Variants in MBNL1 observed in about 807,000 individuals in gnomAD.
The protein encoded by MBNL1 is muscleblind-like protein 1.
A neutral mutation model predicts 42.2 loss-of-function variants in MBNL1; 8 were observed. The ratio of observed to expected loss-of-function variants is 0.19; its 90% CI spans 0.11 to 0.34. MBNL1 has a LOEUF of 0.34. MBNL1 is among the 10% of genes least tolerant of loss of function. The pLI, the probability that MBNL1 is intolerant of heterozygous loss-of-function variation, is 1.00. For missense variants in MBNL1, 309 were observed against 495.3 expected (o/e 0.62, Z 3.57); for synonymous variants, 169 against 173.9 (o/e 0.97, Z 0.22).
intron 2 of MBNL1, among the ~76,000 whole-genome samples, chr3:152,332,268 C>G (rs1320796076): frequency 1.3e-5 from 2 of 152,010 alleles, no homozygotes; most frequent in African/African-American, 2.4e-5. Flanking sequence ...CTTTGTTTTC[C>G]TCACTCATAA....
At chr3:152,410,595 G>A (rs2098543834) in intron 2 of MBNL1, among the ~76,000 whole-genome samples, 1 of 152,172 alleles carries the variant, frequency 6.6e-6, no homozygotes, top group African/African-American at 2.4e-5. Flanking sequence ...GGAGCCTAAG[G>A]GATCTATTAG....
chr3:152,274,852 GT>G (rs2044012916), intron 1 of MBNL1, among the ~76,000 whole-genome samples: 1 of 152,026 alleles, frequency 6.6e-6, no homozygotes, highest in Admixed American at 6.5e-5. Flanking sequence ...GTTACAAACT[GT>G]TGGTACTACA....
upstream of MBNL1, chr3:152,268,803 C>G (rs774853717): frequency 9.0e-6 from 4 of 444,636 alleles, no homozygotes; most frequent in South Asian, 6.3e-5. Flanking sequence ...CTCGCCGCCG[C>G]GTGCATTAGG....
At chr3:152,374,449 T>C (rs1337954104) in intron 2 of MBNL1, among the ~76,000 whole-genome samples, 2 of 152,174 alleles carry the variant, frequency 1.3e-5, no homozygotes, top group Admixed American at 6.5e-5. Flanking sequence ...GCACAGCAAG[T>C]AGTCATTTCC....
chr3:152,356,863 G>GTGTGTGTGTGTT (rs1411290596), intron 2 of MBNL1, among the ~76,000 whole-genome samples: 2 of 151,706 alleles, frequency 1.3e-5, no homozygotes, highest in Non-Finnish European at 2.9e-5. Flanking sequence ...TGTAGTGTGT[G>GTGTGTGTGTGTT]TGTGTGTGTG....
At chr3:152,356,797 G>A in intron 2 of MBNL1, among the ~76,000 whole-genome samples, 1 of 151,680 alleles carries the variant, frequency 6.6e-6, no homozygotes, top group East Asian at 1.9e-4. Context: ...TTTTTAAAAT[G>A]ATAAAAAATA....
intron 2 of MBNL1, among the ~76,000 whole-genome samples, chr3:152,371,820 G>A (rs1251935645): frequency 6.6e-6 from 1 of 152,110 alleles, no homozygotes; most frequent in East Asian, 1.9e-4. Flanking sequence ...GGTGGTCTCT[G>A]TCTTTCCTGA....
At chr3:152,311,996 C>G (rs1200876032) in intron 2 of MBNL1, among the ~76,000 whole-genome samples, 2 of 151,328 alleles carry the variant, frequency 1.3e-5, no homozygotes, top group African/African-American at 4.9e-5. Flanking sequence ...CGAGACCATC[C>G]CGGCTAAAAA....
At chr3:152,275,643 G>C (rs1428044566) in intron 1 of MBNL1, among the ~76,000 whole-genome samples, 1 of 148,788 alleles carries the variant, frequency 6.7e-6, no homozygotes, top group Non-Finnish European at 1.5e-5. Flanking sequence ...GGGAGGCGGA[G>C]GTTGCAGTGA....
chr3:152,361,377 C>G (rs1366714553), intron 2 of MBNL1, among the ~76,000 whole-genome samples: 1 of 150,754 alleles, frequency 6.6e-6, no homozygotes, highest in Admixed American at 6.6e-5. Flanking sequence ...TCCAGTGATG[C>G]TTAGATAGTA....
chr3:152,432,853 C>T lies in MBNL1; in HGVS notation c.482C>T (p.Pro161Leu), dbSNP rs1031137705. 1.3e-5 allele frequency: 21 copies of T among 1,614,100 alleles called. No individual in the cohort carries two copies. The highest frequency in any genetic ancestry group is 1.8e-5 in the Non-Finnish European group (21 of 1,180,016). ...GCACCAATGTTGGTTACAGGGAATC[C>T]GGGTGTCCCTGTACCTGCAGCTGCT... ...PTAPMLVTGN[P>L]GVPVPAAAAA... is the part of the protein sequence containing the mutation. Residue 161 changes from proline (P) to leucine (L), a missense_variant, in exon 4 of 10, where the codon CCG becomes CTG. By Grantham distance (98) the Pro-to-Leu change is moderately conservative. Transcript: ENST00000324210.
chr3:152,356,235 TA>T (rs996760228), intron 2 of MBNL1, among the ~76,000 whole-genome samples: 3,057 of 142,814 alleles, frequency 0.021, 89 homozygotes, highest in African/African-American at 0.071. Context: ...CTTTTTTAAT[TA>T]AAAAAAAAAA....
At chr3:152,367,218 C>T (rs1434420407) in intron 2 of MBNL1, among the ~76,000 whole-genome samples, 1 of 151,408 alleles carries the variant, frequency 6.6e-6, no homozygotes, top group Non-Finnish European at 1.5e-5. Flanking sequence ...TAATGTTCCC[C>T]TCCCTGTGTT....
rs1747788228 is a variant in MBNL1 at position 152,462,385 on chromosome 3, A to C, written c.*19A>C. On this transcript the variant is annotated splice_region_variant and 3_prime_UTR_variant, in exon 10 of 10. Coordinates refer to ENST00000324210, the MANE Select transcript of MBNL1 (RefSeq NM_021038.5). ...AAGCTTATCTCTTTTTCCCTTGTAGATCATGCTAAAGAGGAAAGGACAGTG... is the reference window on the plus strand; with the variant it reads ...AAGCTTATCTCTTTTTCCCTTGTAGCTCATGCTAAAGAGGAAAGGACAGTG... 6.6e-6 allele frequency: 1 copy of C among 152,162 alleles called. No homozygotes were observed. The highest frequency in any genetic ancestry group is 1.5e-5 in the Non-Finnish European group (1 of 68,014). 9.4% of individuals were successfully genotyped at this position (152,162 alleles called of 1,614,324 possible). A position where few individuals can be genotyped will look rare whatever the true frequency, so the allele number is the denominator to read the frequency against.
At chr3:152,434,454 T>C (rs1250869086) in intron 4 of MBNL1, among the ~76,000 whole-genome samples, 1 of 152,230 alleles carries the variant, frequency 6.6e-6, no homozygotes, top group Non-Finnish European at 1.5e-5. Flanking sequence ...CAGGCTACTA[T>C]TGATGGGCAC....
chr3:152,388,552 T>C (rs2097544606), intron 2 of MBNL1, among the ~76,000 whole-genome samples: 1 of 152,216 alleles, frequency 6.6e-6, no homozygotes, highest in South Asian at 2.1e-4. Flanking sequence ...TTCCCTTGAT[T>C]GTGAGTGCTT....
chr3:152,388,057 G>A (rs2097527006), intron 2 of MBNL1, among the ~76,000 whole-genome samples: 1 of 152,160 alleles, frequency 6.6e-6, no homozygotes, highest in African/African-American at 2.4e-5. Flanking sequence ...TGTTTTATGG[G>A]CCAACAGGCT....
At chr3:152,385,159 G>A (rs1385173934) in intron 2 of MBNL1, among the ~76,000 whole-genome samples, 2 of 152,086 alleles carry the variant, frequency 1.3e-5, no homozygotes, top group South Asian at 4.1e-4. Context: ...GGCTTAAGGT[G>A]CATGTTTTTA....
intron 1 of MBNL1, among the ~76,000 whole-genome samples, chr3:152,288,733 CA>C (rs34900623): frequency 6.6e-6 from 1 of 152,084 alleles, no homozygotes; most frequent in African/African-American, 2.4e-5. Flanking sequence ...CCTGTCAACC[CA>C]AACATGTATT....
Sources: allele counts gnomAD v4.1 joint callset (sites outside exome capture counted in the v4.1 genomes callset), GRCh38; gene constraint gnomAD v4.1.1; transcripts MANE v1.5; gene names NCBI Gene and HGNC (gene_info 2026-07-23, HGNC 2026-07-21).